The following SPTBN4 variants were observed in gnomAD, a reference collection of about 807,000 sequenced individuals.
The protein encoded by SPTBN4 is spectrin beta, non-erythrocytic 4.
In SPTBN4, 96 loss-of-function variants were observed where a neutral mutation model predicts 277.8. That is an observed-to-expected ratio of 0.35 (90% confidence interval 0.29 to 0.41). The LOEUF is 0.41. Among genes scored for constraint, SPTBN4 ranks in the 10% least tolerant of loss-of-function variants. The pLI, the probability that SPTBN4 is intolerant of heterozygous loss-of-function variation, is 1.00. For synonymous variants in SPTBN4, 1,481 were observed against 1,580.3 expected (o/e 0.94, Z 1.49); for missense variants, 3,006 against 3,595.7 (o/e 0.84, Z 4.19).
chr19:40,476,260 G>A (rs1415452423), intron 2 of SPTBN4, among the ~76,000 whole-genome samples: 5 of 149,220 alleles, frequency 3.4e-5, no homozygotes, highest in Middle Eastern at 3.7e-3. Flanking sequence ...CAGGAGAATC[G>A]CCTGAACCTC....
intron 17 of SPTBN4, among the ~76,000 whole-genome samples, chr19:40,524,186 T>G (rs1245830221): frequency 6.6e-6 from 1 of 152,092 alleles, no homozygotes; most frequent in East Asian, 1.9e-4. Context: ...AAGTCTGCCC[T>G]GAGCATGGGA....
At chr19:40,494,198 C>T (rs900795550) in intron 5 of SPTBN4, among the ~76,000 whole-genome samples, 4 of 152,200 alleles carry the variant, frequency 2.6e-5, no homozygotes, top group Non-Finnish European at 5.9e-5. Context: ...TCTCATCCTT[C>T]TGGCTGTCTG....
In SPTBN4 at chr19:40,557,080, C is replaced by T. The variant is rs759964383; in HGVS notation, c.5347C>T (p.Arg1783Trp). 61 of 1,570,588 alleles carry T rather than the reference C, an allele frequency of 3.9e-5. No individual in the cohort carries two copies. Among genetic ancestry groups the T allele is most frequent in the East Asian group, 3.5e-4 (15 of 43,334 alleles). The change falls in exon 26 of 36, where the codon CGG (arginine) becomes TGG (tryptophan). Residue 1783 changes from arginine (R) to tryptophan (W), a missense_variant. Physicochemically the swap from Arg to Trp is moderately radical, Grantham distance 101 (BLOSUM62 -3). Around this residue, in one of 5 missense-constraint regions of SPTBN4, gnomAD observed 425 missense variants for 594.7 expected, o/e 0.71. Transcript: ENST00000598249. Reference sequence around the variant, plus strand: ...CGAGACAGGTATGGCAGGGCGGGAACGGCTGGCAGCTGTGAACCAGATGGT... The same window carrying T: ...CGAGACAGGTATGGCAGGGCGGGAATGGCTGGCAGCTGTGAACCAGATGGT... The part of the protein sequence containing the change: ...ASETGMAGRE[R>W]LAAVNQMVDE...
At chr19:40,487,641 G>T in intron 2 of SPTBN4, 56 bp from the exon 3 acceptor site, 1 of 1,558,334 alleles carries the variant, frequency 6.4e-7, no homozygotes. Flanking sequence ...CTTGGCTCGC[G>T]GAGGGCTGGG....
At chr19:40,494,797 A>G in intron 5 of SPTBN4, 100 bp from the exon 6 acceptor site, 1 of 1,022,588 alleles carries the variant, frequency 9.8e-7, no homozygotes, top group South Asian at 1.5e-5. Flanking sequence ...CCTCTCTCTC[A>G]TCTTCCTTCC....
At chr19:40,568,939 G>A (rs1440536688) in intron 31 of SPTBN4, among the ~76,000 whole-genome samples, 1 of 152,148 alleles carries the variant, frequency 6.6e-6, no homozygotes, top group Non-Finnish European at 1.5e-5. Context: ...TGCCTGGCAT[G>A]TGCTGAGTCG....
intron 34 of SPTBN4, 53 bp from the exon 35 acceptor site, chr19:40,572,285 G>A: frequency 6.2e-7 from 1 of 1,609,608 alleles, no homozygotes; most frequent in Non-Finnish European, 8.5e-7. Flanking sequence ...TTGGTGGGCA[G>A]GTGGGCTGGG....
At chr19:40,548,705 A>G (rs1485942341) in intron 20 of SPTBN4, among the ~76,000 whole-genome samples, 1 of 150,748 alleles carries the variant, frequency 6.6e-6, no homozygotes, top group Admixed American at 6.6e-5. Flanking sequence ...ACAGAGCGAG[A>G]CTCCATCTCA....
chr19:40,517,861 C>A (rs534045806), intron 15 of SPTBN4, among the ~76,000 whole-genome samples: 3 of 152,266 alleles, frequency 2.0e-5, no homozygotes, highest in Admixed American at 6.5e-5. Flanking sequence ...GGTCACATGG[C>A]AAATCTGGCC....
At chr19:40,481,125 T>C (rs2080005988) in intron 2 of SPTBN4, among the ~76,000 whole-genome samples, 1 of 152,150 alleles carries the variant, frequency 6.6e-6, no homozygotes, top group African/African-American at 2.4e-5. Flanking sequence ...ACATATTTGG[T>C]GGACATATGC....
At chr19:40,556,334 T>C in intron 25 of SPTBN4, 46 bp downstream of exon 25, 2 of 1,528,622 alleles carry the variant, frequency 1.3e-6, no homozygotes, top group Non-Finnish European at 1.8e-6. Context: ...ACCACTAAGG[T>C]TCTCTGGGCC....
intron 2 of SPTBN4, among the ~76,000 whole-genome samples, chr19:40,479,776 G>C (rs1486164715): frequency 1.3e-5 from 2 of 149,284 alleles, no homozygotes; most frequent in Non-Finnish European, 3.0e-5. Flanking sequence ...CCACAAATGA[G>C]TACTCTCTTG....
At chr19:40,492,510 AGATCATGGGAACTTTTACTT>A (rs1428773637) in intron 4 of SPTBN4, among the ~76,000 whole-genome samples, 1 of 152,074 alleles carries the variant, frequency 6.6e-6, no homozygotes, top group Non-Finnish European at 1.5e-5. Context: ...TACTGATGGG[AGATCATGGGAACTTTTACTT>A]TTACCTTGAA....
chr19:40,509,192 G>C (rs1016492603), intron 13 of SPTBN4, among the ~76,000 whole-genome samples: 1 of 151,002 alleles, frequency 6.6e-6, no homozygotes, highest in African/African-American at 2.4e-5. Context: ...AGAGTGTTGG[G>C]ATTACAGACG....
chr19:40,570,594 C>G lies in SPTBN4; in HGVS notation c.7185C>G (p.Ser2395Arg), dbSNP rs1000126250. ...GAGAGGGTGGTGAGGGCGGGGGAAG[C>G]CGGCGCTCGCGCTCCGCCCCGGCCC... Reference protein sequence around the residue: ...RPREGGEGGGSRRSRSAPAQG... With the variant: ...RPREGGEGGGRRRSRSAPAQG... The change falls in exon 33 of 36, where the codon AGC becomes AGG. Residue 2395 changes from serine to arginine, a missense_variant. This residue lies in a region of SPTBN4 where 630 missense variants were observed against 677.6 expected (regional missense o/e 0.93). Transcript: ENST00000598249. The G allele has an allele frequency of 3.6e-6, 5 of 1,376,990 alleles. No individual in the cohort carries two copies. In the African/African-American group the frequency reaches 4.6e-5, roughly 13 times the overall value. The allele number at this position is 1,376,990 out of a possible 1,614,324, so 85.3% of individuals were successfully genotyped here.
rs145308806 is a variant in SPTBN4 at position 40,557,567 on chromosome 19, T to C, written c.5670+164T>C. Among the ~76,000 whole-genome samples the C allele has an allele frequency of 3.3e-5, 5 of 152,060 alleles. No individual in the cohort carries two copies. The East Asian group carries it at 9.7e-4, about 29-fold the overall frequency. On this transcript the variant is annotated intron_variant, in intron 26 of 35. Transcript: ENST00000598249. ...ATTAGATAATGGAGCAGATAGAAAATGGACTGATGGAATGATATATAGAAA... is the reference window on the plus strand; with the variant it reads ...ATTAGATAATGGAGCAGATAGAAAACGGACTGATGGAATGATATATAGAAA...
chr19:40,507,381 A>C (rs2145856359), intron 13 of SPTBN4, among the ~76,000 whole-genome samples: 1 of 152,128 alleles, frequency 6.6e-6, no homozygotes, highest in East Asian at 1.9e-4. Context: ...GCATGGCTGG[A>C]TCCAGGTATG....
At position 40,554,395 on chromosome 19, in the gene SPTBN4, G is replaced by T; in HGVS notation, c.4923G>T (p.Glu1641Asp). Residue 1641 changes from glutamate (E) to aspartate (D), a missense_variant, in exon 23 of 36, where the codon GAG becomes GAT. Glu to Asp is a conservative substitution (Grantham distance 45). Around this residue, in one of 5 missense-constraint regions of SPTBN4, gnomAD observed 1,759 missense variants for 2,061.5 expected, o/e 0.85. Coordinates refer to ENST00000598249, the MANE Select transcript of SPTBN4 (RefSeq NM_020971.3). This position sits in a 1 kb window ranked among gnomAD's most constrained non-coding sequence, Gnocchi z 5.7. ...TGGAGGCGTGGCTGGGCGAGCAGGA[G>T]CTGCTCATGATGAGTGAGGACAAGG... ...AEVEAWLGEQ[E>D]LLMMSEDKGK... 6.3e-7 allele frequency: 1 copy of T among 1,589,292 alleles called. No homozygotes were observed.
intron 16 of SPTBN4, among the ~76,000 whole-genome samples, chr19:40,521,279 C>T (rs896220714): frequency 7.9e-5 from 12 of 152,176 alleles, no homozygotes; most frequent in East Asian, 1.9e-4. Context: ...ATTTTTTCCA[C>T]AAACCGGTGG....
Sources: allele counts gnomAD v4.1 joint callset (sites outside exome capture counted in the v4.1 genomes callset), GRCh38; gene constraint gnomAD v4.1.1; regional missense constraint gnomAD v4.1.1; non-coding constraint Gnocchi (gnomAD v3.1); transcripts MANE v1.5; gene names NCBI Gene and HGNC (gene_info 2026-07-23, HGNC 2026-07-21).